The following BTD variants were observed in gnomAD, a reference collection of about 807,000 sequenced individuals.
BTD encodes the protein biotinidase, also known as biocytinase.
Under a neutral mutation model 17.7 loss-of-function variants are expected in BTD, and 13 were observed. The observed-to-expected ratio is 0.74, with a 90% CI of 0.48 to 1.17. The LOEUF (loss-of-function observed/expected upper bound fraction) is 1.17, where lower values mean the gene tolerates loss of function less well. BTD is among the 50% of genes most tolerant of loss of function. The pLI is 0.00. For synonymous variants in BTD, 240 were observed against 245.2 expected, an observed-to-expected ratio of 0.98 and a Z score of 0.20; for missense variants, 674 against 650.4, an observed-to-expected ratio of 1.04 and a Z score of -0.39.
intron 3 of BTD, among the ~76,000 whole-genome samples, chr3:15,691,268 C>A (rs887977139): frequency 6.6e-6 from 1 of 152,010 alleles, no homozygotes; most frequent in Non-Finnish European, 1.5e-5. Context: ...GGATTACAGG[C>A]GCATGCCACC....
chr3:15,722,056 T>C (rs78613993), exon 5 of BTD, among the ~76,000 whole-genome samples: 36 of 152,330 alleles, frequency 2.4e-4, no homozygotes, highest in Non-Finnish European at 4.7e-4. Context: ...TGTTTTTCTA[T>C]TTCTAATAAA....
chr3:15,681,424 T>A (rs1310226616), intron 3 of BTD, among the ~76,000 whole-genome samples: 1 of 152,198 alleles, frequency 6.6e-6, no homozygotes, highest in Admixed American at 6.5e-5. Context: ...AAATCCAAAT[T>A]TCAAATTTTC....
At chr3:15,644,176 A>G in intron 3 of BTD, 140 bp from the exon 4 acceptor site, 2 of 852,356 alleles carry the variant, frequency 2.3e-6, no homozygotes, top group Non-Finnish European at 3.6e-6. Flanking sequence ...AATTTTTTGT[A>G]TTTTTAGTTG....
intron 3 of BTD, among the ~76,000 whole-genome samples, chr3:15,702,973 C>G (rs2070834214): frequency 6.6e-6 from 1 of 152,172 alleles, no homozygotes; most frequent in Non-Finnish European, 1.5e-5. Context: ...AGACTAGTAT[C>G]TCCATTTCAC....
Position 15,686,975 on chromosome 3 carries a change from G to A in BTD, c.400-23085G>A, listed in dbSNP as rs1048323170. Among the ~76,000 whole-genome samples, 3 of 146,918 alleles carry A rather than the reference G, an allele frequency of 2.0e-5. No homozygotes were observed. In the South Asian group the frequency reaches 6.4e-4, roughly 32 times the overall value. On this transcript the variant is annotated intron_variant, in intron 3 of 3. Transcript: ENST00000672141. Reference sequence around the variant, plus strand: ...TTTTTTTTTTTTGAGACAGAATCTCGCTCTGTCGCCCAGGCTGGAGTGTAG... The same window carrying A: ...TTTTTTTTTTTTGAGACAGAATCTCACTCTGTCGCCCAGGCTGGAGTGTAG...
chr3:15,652,362 C>T lies in BTD; in HGVS notation c.*6874C>T, dbSNP rs79007469. ...GATACTGCAGCTTCTATCTTGGTTG[C>T]TCACTTGCTATCTTGGGTCCCTCCC... On this transcript the variant is annotated 3_prime_UTR_variant, in exon 4 of 4. Coordinates refer to ENST00000643237, the MANE Select transcript of BTD (RefSeq NM_001370658.1). Among the ~76,000 whole-genome samples, 21 of 152,246 alleles carry T rather than the reference C, an allele frequency of 1.4e-4. No homozygotes were observed. The highest frequency in any genetic ancestry group is 3.4e-3 in the Middle Eastern group (1 of 294).
At chr3:15,611,694 CTTG>C (rs1227768210) in intron 1 of BTD, among the ~76,000 whole-genome samples, 2 of 151,454 alleles carry the variant, frequency 1.3e-5, no homozygotes, top group African/African-American at 4.8e-5. Context: ...ACAAGGATTG[CTTG>C]AATCCAGGAG....
chr3:15,691,748 T>C (rs1346687313), intron 3 of BTD, among the ~76,000 whole-genome samples: 1 of 152,210 alleles, frequency 6.6e-6, no homozygotes, highest in African/African-American at 2.4e-5. Flanking sequence ...CATCTAACTT[T>C]GTTCCTCAAT....
chr3:15,634,500 A>T (rs900366559), intron 1 of BTD, among the ~76,000 whole-genome samples: 1 of 152,250 alleles, frequency 6.6e-6, no homozygotes, highest in Non-Finnish European at 1.5e-5. Flanking sequence ...CACACTGTTT[A>T]GAAAGAAACA....
downstream of BTD, among the ~76,000 whole-genome samples, chr3:15,714,835 G>A (rs375153159): frequency 4.0e-4 from 61 of 152,114 alleles, no homozygotes; most frequent in African/African-American, 1.4e-3. Flanking sequence ...TTTTTAGCAC[G>A]TGTATCATAA....
chr3:15,645,620 C>T lies in BTD; in HGVS notation c.*132C>T. 1 of 1,030,328 alleles carries T rather than the reference C, an allele frequency of 9.7e-7. No individual in the cohort carries two copies. The highest frequency in any genetic ancestry group is 1.4e-6 in the Non-Finnish European group (1 of 714,828). 63.8% of individuals were successfully genotyped at this position (1,030,328 alleles called of 1,614,324 possible). A position where few individuals can be genotyped will look rare whatever the true frequency, so the allele number is the denominator to read the frequency against. On this transcript the variant is annotated 3_prime_UTR_variant, in exon 4 of 4. Coordinates refer to ENST00000643237, the MANE Select transcript of BTD (RefSeq NM_001370658.1). Reference sequence around the variant, plus strand: ...CCACTTCTGTGGCACCAGATTCCACCCTGGGAACTGTGGAAAAAGTAGGAG... The same window carrying T: ...CCACTTCTGTGGCACCAGATTCCACTCTGGGAACTGTGGAAAAAGTAGGAG...
intron 3 of BTD, among the ~76,000 whole-genome samples, chr3:15,682,192 T>C (rs1010292211): frequency 1.3e-5 from 2 of 152,324 alleles, no homozygotes; most frequent in Middle Eastern, 6.8e-3. Flanking sequence ...GAAAATAGTT[T>C]TCATAAAAAA....
chr3:15,713,543 C>G (rs370247941), downstream of BTD: 9 of 1,611,000 alleles, frequency 5.6e-6, no homozygotes, highest in Non-Finnish European at 7.6e-6. Flanking sequence ...GTGTCAGCAC[C>G]ACTTGTAATA....
chr3:15,679,218 C>T (rs1317358450), intron 3 of BTD: 2 of 1,348,556 alleles, frequency 1.5e-6, no homozygotes, highest in Non-Finnish European at 2.1e-6. Context: ...CATCCTCCCA[C>T]TTCAGCCTCC....
chr3:15,716,051 C>T (rs928620333), downstream of BTD, among the ~76,000 whole-genome samples: 4 of 148,056 alleles, frequency 2.7e-5, no homozygotes, highest in Non-Finnish European at 6.0e-5. Flanking sequence ...GGTGTGATCT[C>T]AGCTCTCAGC....
intron 3 of BTD, among the ~76,000 whole-genome samples, chr3:15,695,590 T>C (rs1156419423): frequency 6.6e-6 from 1 of 152,180 alleles, no homozygotes; most frequent in African/African-American, 2.4e-5. Flanking sequence ...ATCTTTAACC[T>C]AAAGTATCTG....
At chr3:15,716,299 T>C (rs1394963448), downstream of BTD, among the ~76,000 whole-genome samples, 1 of 151,140 alleles carries the variant, frequency 6.6e-6, no homozygotes, top group African/African-American at 2.4e-5. Flanking sequence ...TTTTTTTTTT[T>C]TCCCTTAAAG....
intron 3 of BTD, among the ~76,000 whole-genome samples, chr3:15,706,138 T>C (rs1228219504): frequency 3.3e-5 from 5 of 151,976 alleles, no homozygotes; most frequent in Non-Finnish European, 4.4e-5. Flanking sequence ...CTGTGCACAA[T>C]ATGCAGGTTT....
intron 4 of BTD, chr3:15,721,143 A>T: frequency 3.8e-6 from 6 of 1,594,118 alleles, no homozygotes; most frequent in Non-Finnish European, 5.1e-6. Flanking sequence ...AGAAGGGAAA[A>T]AAATGCGAAT....
Sources: allele counts gnomAD v4.1 joint callset (sites outside exome capture counted in the v4.1 genomes callset), GRCh38; gene constraint gnomAD v4.1.1; transcripts MANE v1.5; gene names NCBI Gene and HGNC (gene_info 2026-07-23, HGNC 2026-07-21).